Variants in EYS observed in about 807,000 individuals in gnomAD.
The protein encoded by EYS is EGF-like photoreceptor maintenance factor.
A neutral mutation model predicts 282.1 loss-of-function variants in EYS; 250 were observed. The ratio of observed to expected loss-of-function variants is 0.89; its 90% CI spans 0.80 to 0.98. The LOEUF is 0.98. Among genes scored for constraint, EYS ranks in the 50% least tolerant of loss-of-function variants. EYS has a pLI of 0.00. For missense variants in EYS, 4,016 were observed against 3,709.0 expected (o/e 1.08, Z -2.15); for synonymous variants, 1,355 against 1,282.9 (o/e 1.06, Z -1.20).
At chr6:64,578,621 G>GGTGT (rs148608224) in intron 26 of EYS, among the ~76,000 whole-genome samples, 14,427 of 145,332 alleles carry the variant, frequency 0.099, 848 homozygotes, top group East Asian at 0.16. Context: ...GTGTGTGTGT[G>GGTGT]GTGTGTGTGT....
At chr6:64,886,970 T>C (rs1316405179) in intron 18 of EYS, 128 bp from the exon 19 acceptor site, 1 of 651,546 alleles carries the variant, frequency 1.5e-6, no homozygotes, top group Non-Finnish European at 2.4e-6. Context: ...ATGTATTTCA[T>C]TTTTTTCTTT....
chr6:63,879,682 G>C (rs759126373), intron 35 of EYS, among the ~76,000 whole-genome samples: 5 of 152,142 alleles, frequency 3.3e-5, no homozygotes, highest in Non-Finnish European at 7.4e-5. Context: ...TTAGCTTCTT[G>C]GGAATAGTTG....
chr6:64,810,975 C>T (rs1036689009), intron 22 of EYS, among the ~76,000 whole-genome samples: 1 of 151,962 alleles, frequency 6.6e-6, no homozygotes, highest in African/African-American at 2.4e-5. Context: ...AAATAGAACT[C>T]AGAACAATAA....
intron 14 of EYS, among the ~76,000 whole-genome samples, chr6:64,992,227 G>A (rs1771088354): frequency 1.3e-5 from 2 of 151,782 alleles, no homozygotes; most frequent in African/African-American, 2.4e-5. Context: ...AGTCTTTAAT[G>A]TAATAAAATA....
intron 36 of EYS, among the ~76,000 whole-genome samples, chr6:63,861,874 C>T (rs866868526): frequency 2.8e-4 from 43 of 152,254 alleles, no homozygotes; most frequent in Middle Eastern, 3.4e-3. Context: ...TTCCAGCCTC[C>T]GGATCAGTGA....
intron 28 of EYS, among the ~76,000 whole-genome samples, chr6:64,396,949 G>C (rs547987027): frequency 1.3e-5 from 2 of 151,870 alleles, no homozygotes; most frequent in South Asian, 2.1e-4. Context: ...TGTATTCCTG[G>C]GCTCTCTCTC....
chr6:63,999,108 CTG>C lies in EYS; in HGVS notation c.6799_6800del (p.Gln2267GlufsTer15). On this transcript the variant is annotated frameshift_variant, in exon 34 of 43. Coordinates refer to ENST00000503581, the MANE Select transcript of EYS (RefSeq NM_001142800.2). LOFTEE classifies it high-confidence loss of function. The part of the protein sequence containing the change: ...EMTADGKPPV[Q>X]KKDTEISHAS... ...CATGGGAAATCTCTGTGTCTTTCTT[CTG>C]TACTGGAGGTTTTCCATCTGCAGTC... is the stretch of plus-strand genomic sequence containing the variant. 2 of 1,551,760 alleles carry C rather than the reference CTG, an allele frequency of 1.3e-6. No homozygotes were observed. Among genetic ancestry groups the C allele is most frequent in the Non-Finnish European group, 1.7e-6 (2 of 1,146,822 alleles).
At chr6:65,373,938 T>C (rs1003883622) in intron 8 of EYS, among the ~76,000 whole-genome samples, 2 of 152,220 alleles carry the variant, frequency 1.3e-5, no homozygotes, top group African/African-American at 4.8e-5. Flanking sequence ...TGGATACATG[T>C]GAACATACTG....
chr6:64,827,433 A>G (rs959198687), intron 19 of EYS, among the ~76,000 whole-genome samples: 9 of 151,834 alleles, frequency 5.9e-5, no homozygotes, highest in African/African-American at 2.2e-4. Flanking sequence ...GATCATACCT[A>G]TTTACTTTTA....
chr6:64,218,598 A>G (rs1352383055), intron 31 of EYS, among the ~76,000 whole-genome samples: 1 of 152,168 alleles, frequency 6.6e-6, no homozygotes, highest in African/African-American at 2.4e-5. Flanking sequence ...ATCAGAATGG[A>G]GCTCAGCTCT....
chr6:65,570,088 T>G (rs1678226312), intron 2 of EYS, among the ~76,000 whole-genome samples: 1 of 151,970 alleles, frequency 6.6e-6, no homozygotes, highest in Non-Finnish European at 1.5e-5. Context: ...TGGCAGGTTT[T>G]CAGCTCTAGG....
chr6:64,372,342 C>T (rs375981442), intron 29 of EYS, among the ~76,000 whole-genome samples: 48 of 152,106 alleles, frequency 3.2e-4, no homozygotes, highest in South Asian at 1.9e-3. Flanking sequence ...AAATTATTTT[C>T]TTTAAGAATG....
At chr6:64,527,579 A>G (rs1030463952) in intron 26 of EYS, among the ~76,000 whole-genome samples, 1 of 151,828 alleles carries the variant, frequency 6.6e-6, no homozygotes, top group African/African-American at 2.4e-5. Flanking sequence ...AAACAAAGCA[A>G]TGTTTTTGAA....
At chr6:64,091,321 A>G (rs547761096) in intron 31 of EYS, among the ~76,000 whole-genome samples, 16 of 152,230 alleles carry the variant, frequency 1.1e-4, no homozygotes, top group Admixed American at 1.0e-3. Flanking sequence ...ATACTTTGTC[A>G]ATGGTTATGT....
At chr6:65,069,232 C>T (rs12214389) in intron 12 of EYS, among the ~76,000 whole-genome samples, 38,489 of 151,892 alleles carry the variant, frequency 0.25, 5,266 homozygotes, top group South Asian at 0.32. Flanking sequence ...GCATTTAAAA[C>T]TATTCTAGCC....
chr6:63,794,441 C>A (rs1201507429), intron 37 of EYS, among the ~76,000 whole-genome samples: 1 of 152,080 alleles, frequency 6.6e-6, no homozygotes, highest in African/African-American at 2.4e-5. Flanking sequence ...TACTTTGATC[C>A]AACTAAAAAA....
chr6:64,445,684 G>C (rs1298544621), intron 26 of EYS, among the ~76,000 whole-genome samples: 1 of 152,092 alleles, frequency 6.6e-6, no homozygotes, highest in Non-Finnish European at 1.5e-5. Flanking sequence ...TTTAATATGA[G>C]ACTTGCTTTT....
At chr6:64,356,721 C>T (rs1771835398) in intron 29 of EYS, among the ~76,000 whole-genome samples, 4 of 151,580 alleles carry the variant, frequency 2.6e-5, no homozygotes. Flanking sequence ...CAGTGTTTGC[C>T]AAATACACAC....
At chr6:64,143,832 A>G (rs1374414107) in intron 31 of EYS, among the ~76,000 whole-genome samples, 1 of 152,228 alleles carries the variant, frequency 6.6e-6, no homozygotes, top group Non-Finnish European at 1.5e-5. Context: ...ATTATTCTTA[A>G]TTAACTGCCA....
Sources: gnomAD v4.1 joint callset for allele counts (sites outside exome capture counted in the v4.1 genomes callset) on GRCh38, gnomAD v4.1.1 for gene constraint, MANE v1.5 for transcripts, NCBI Gene and HGNC (gene_info 2026-07-23, HGNC 2026-07-21) for gene names.